KAZN: variants seen among roughly 807,000 people sequenced by gnomAD.
KAZN encodes kazrin.
Under a neutral mutation model 87.4 loss-of-function variants are expected in KAZN, and 40 were observed. The ratio of observed to expected loss-of-function variants is 0.46; its 90% CI spans 0.36 to 0.60. The LOEUF (loss-of-function observed/expected upper bound fraction) is 0.60. KAZN is among the 20% of genes least tolerant of loss of function. The pLI is 0.00. For missense variants in KAZN, 898 were observed against 1,073.9 expected (o/e 0.84, Z 2.29); for synonymous variants, 466 against 458.3 (o/e 1.02, Z -0.22).
chr1:13,993,300 A>C (rs1444896803), intron 1 of KAZN, among the ~76,000 whole-genome samples: 2 of 152,176 alleles, frequency 1.3e-5, no homozygotes, highest in Non-Finnish European at 2.9e-5. Flanking sequence ...AATATTAATG[A>C]CTGTAAGTCC....
chr1:15,082,011 C>T (rs1042187947), intron 8 of KAZN, among the ~76,000 whole-genome samples: 1 of 152,104 alleles, frequency 6.6e-6, no homozygotes, highest in African/African-American at 2.4e-5. Flanking sequence ...TGGAGTGCTC[C>T]AGATAGGAGA....
intron 1 of KAZN, among the ~76,000 whole-genome samples, chr1:14,901,435 T>G (rs887499916): frequency 1.8e-4 from 27 of 149,352 alleles, no homozygotes; most frequent in African/African-American, 6.1e-4. Context: ...TCAGATTTTA[T>G]CCACCGAGCA....
chr1:14,607,599 C>T (rs1677471870), intron 1 of KAZN, among the ~76,000 whole-genome samples: 1 of 152,198 alleles, frequency 6.6e-6, no homozygotes, highest in Non-Finnish European at 1.5e-5. Context: ...CTGAAGAATC[C>T]GTAGCCAGCA....
chr1:14,289,806 C>T (rs1320852131), intron 2 of KAZN, among the ~76,000 whole-genome samples: 1 of 152,166 alleles, frequency 6.6e-6, no homozygotes, highest in Non-Finnish European at 1.5e-5. Flanking sequence ...CATGTTTTTG[C>T]AGTGGCTGGT....
chr1:14,541,900 C>T (rs1198032748), intron 2 of KAZN, among the ~76,000 whole-genome samples: 1 of 152,208 alleles, frequency 6.6e-6, no homozygotes, highest in Admixed American at 6.5e-5. Context: ...TCGGGAGCAG[C>T]CAGTGGAAAC....
At chr1:14,526,478 C>T (rs1337779137) in intron 2 of KAZN, among the ~76,000 whole-genome samples, 1 of 152,194 alleles carries the variant, frequency 6.6e-6, no homozygotes, top group Non-Finnish European at 1.5e-5. Context: ...CATCCATCTG[C>T]ATCATCAGTA....
chr1:14,822,093 A>T (rs1646751697), intron 1 of KAZN, among the ~76,000 whole-genome samples: 1 of 151,948 alleles, frequency 6.6e-6, no homozygotes, highest in Non-Finnish European at 1.5e-5. Flanking sequence ...CTGGTTCCCC[A>T]CCTCCACAAC....
intron 1 of KAZN, among the ~76,000 whole-genome samples, chr1:14,606,709 C>T (rs4661293): frequency 0.73 from 111,538 of 151,896 alleles, 41,459 homozygotes; most frequent in Non-Finnish European, 0.8. Context: ...TACCTTCATG[C>T]TAGGGTTTCT....
Position 14,417,974 on chromosome 1 carries a change from C to T in KAZN, c.250-181009C>T, listed in dbSNP as rs569617147. Among the ~76,000 whole-genome samples the T allele has an allele frequency of 1.7e-4, 19 of 110,782 alleles. No homozygotes were observed. In the South Asian group the frequency reaches 2.9e-3, roughly 17 times the overall value. 72.7% of individuals were successfully genotyped at this position (110,782 alleles called of 152,430 possible). A position where few individuals can be genotyped will look rare whatever the true frequency, so the allele number is the denominator to read the frequency against. On this transcript the variant is annotated intron_variant, in intron 2 of 16. Coordinates refer to the KAZN transcript ENST00000636203. ...TCACACCACTGCACTCCAGGCTGGG[C>T]GACAGAGTGAGACTGCCTCAAAAAA...
At chr1:14,651,773 G>T (rs1288232530) in intron 1 of KAZN, among the ~76,000 whole-genome samples, 1 of 152,196 alleles carries the variant, frequency 6.6e-6, no homozygotes, top group African/African-American at 2.4e-5. Flanking sequence ...AAAGCATAAT[G>T]TAGCTCATGA....
At chr1:14,178,732 G>A (rs1468192042) in intron 1 of KAZN, among the ~76,000 whole-genome samples, 3 of 152,030 alleles carry the variant, frequency 2.0e-5, no homozygotes, top group Non-Finnish European at 4.4e-5. Context: ...TGTATGTCTG[G>A]TAATTTTTTA....
At chr1:14,925,943 T>G (rs1452216048) in intron 1 of KAZN, among the ~76,000 whole-genome samples, 2 of 152,236 alleles carry the variant, frequency 1.3e-5, no homozygotes, top group African/African-American at 4.8e-5. Context: ...TCAAGTTGCT[T>G]CATCTTTTTG....
At chr1:14,331,696 G>A (rs757804128) in intron 2 of KAZN, among the ~76,000 whole-genome samples, 4 of 151,906 alleles carry the variant, frequency 2.6e-5, no homozygotes, top group East Asian at 1.9e-4. Flanking sequence ...TCTATCACCC[G>A]AACAACAAAA....
intron 2 of KAZN, among the ~76,000 whole-genome samples, chr1:14,429,631 C>T (rs955096621): frequency 1.3e-4 from 20 of 152,048 alleles, no homozygotes; most frequent in Admixed American, 1.2e-3. Flanking sequence ...ATAGTAATGA[C>T]AGTGCAACCA....
At chr1:14,327,440 A>G (rs765757978) in intron 2 of KAZN, among the ~76,000 whole-genome samples, 1 of 152,064 alleles carries the variant, frequency 6.6e-6, no homozygotes, top group Non-Finnish European at 1.5e-5. Context: ...TGCTATGGCG[A>G]ATTCCCTCTC....
intron 2 of KAZN, among the ~76,000 whole-genome samples, chr1:14,194,478 G>T (rs536382400): frequency 7.9e-5 from 12 of 152,286 alleles, no homozygotes; most frequent in African/African-American, 2.9e-4. Flanking sequence ...CCCTGGTCCA[G>T]TTTCCTTGAT....
At chr1:14,763,802 T>G (rs1482314824) in intron 1 of KAZN, among the ~76,000 whole-genome samples, 1 of 152,216 alleles carries the variant, frequency 6.6e-6, no homozygotes, top group African/African-American at 2.4e-5. Flanking sequence ...CAGGCTGCAG[T>G]GCAATGGCAC....
chr1:14,890,838 G>A (rs2462189), intron 1 of KAZN, among the ~76,000 whole-genome samples: 1 of 137,556 alleles, frequency 7.3e-6, no homozygotes, highest in South Asian at 2.3e-4. Flanking sequence ...CAGGAATCTG[G>A]ACTTTTTTTT....
intron 2 of KAZN, among the ~76,000 whole-genome samples, chr1:14,246,674 G>A (rs1443065907): frequency 6.6e-6 from 1 of 152,134 alleles, no homozygotes; most frequent in African/African-American, 2.4e-5. Context: ...CGATGGTGAT[G>A]ATTCCCTTAC....
Sources: gnomAD v4.1 joint callset for allele counts (sites outside exome capture counted in the v4.1 genomes callset) on GRCh38, gnomAD v4.1.1 for gene constraint, MANE v1.5 for transcripts, NCBI Gene and HGNC (gene_info 2026-07-23, HGNC 2026-07-21) for gene names.